Variants in CDK6 observed in about 807,000 individuals in gnomAD.
The protein encoded by CDK6 is cyclin dependent kinase 6.
Under a neutral mutation model 37.1 loss-of-function variants are expected in CDK6, and 6 were observed. The observed-to-expected ratio is 0.16, with a 90% CI of 0.09 to 0.32. The LOEUF is 0.32. CDK6 is among the 10% of genes least tolerant of loss of function. CDK6 has a pLI of 1.00. For synonymous variants in CDK6, 160 were observed against 161.3 expected (o/e 0.99, Z 0.06); for missense variants, 224 against 418.9 (o/e 0.53, Z 4.06).
chr7:92,638,425 T>C (rs1425477812), intron 5 of CDK6, among the ~76,000 whole-genome samples: 2 of 152,158 alleles, frequency 1.3e-5, no homozygotes, highest in African/African-American at 4.8e-5. Flanking sequence ...CTGAACTTTT[T>C]TGGTACCTTT....
In CDK6 at chr7:92,623,358, C is replaced by T. The variant is rs3731351; in HGVS notation, c.648-272G>A. Among the ~76,000 whole-genome samples, 575 of 152,186 alleles carry T rather than the reference C, an allele frequency of 3.8e-3. 2 individuals carry two copies. Among genetic ancestry groups the T allele is most frequent in the Admixed American group, 0.012 (189 of 15,274 alleles). ...GCAGTCATTCTTACAACAGTGCTACCGTCAAATTCAGTTCCAGGTTTCAAA... is the reference window on the plus strand; with the variant it reads ...GCAGTCATTCTTACAACAGTGCTACTGTCAAATTCAGTTCCAGGTTTCAAA... On this transcript the variant is annotated intron_variant, in intron 5 of 7. Transcript: ENST00000424848.
At chr7:92,700,695 G>C (rs1797822635) in intron 4 of CDK6, among the ~76,000 whole-genome samples, 1 of 152,238 alleles carries the variant, frequency 6.6e-6, no homozygotes, top group African/African-American at 2.4e-5. Context: ...ACTGTTGAAG[G>C]AGATAGCATG....
chr7:92,700,367 T>C (rs1797815779), intron 4 of CDK6, among the ~76,000 whole-genome samples: 3 of 152,190 alleles, frequency 2.0e-5, no homozygotes, highest in African/African-American at 2.4e-5. Context: ...AAGGCTGCAA[T>C]GATCCAGATG....
At chr7:92,694,265 G>A (rs1044340195) in intron 4 of CDK6, among the ~76,000 whole-genome samples, 52 of 151,978 alleles carry the variant, frequency 3.4e-4, no homozygotes, top group African/African-American at 1.1e-3. Flanking sequence ...TATATTGTTA[G>A]GCCCTAGTTT....
At chr7:92,671,363 A>G (rs1797068364) in intron 5 of CDK6, 63 bp downstream of exon 5, 1 of 1,078,432 alleles carries the variant, frequency 9.3e-7, no homozygotes, top group Non-Finnish European at 1.3e-6. Context: ...CTGCCACTCA[A>G]ATTCACAAAG....
chr7:92,812,876 A>G (rs2115948106), intron 2 of CDK6, among the ~76,000 whole-genome samples: 1 of 152,346 alleles, frequency 6.6e-6, no homozygotes, highest in South Asian at 2.1e-4. Flanking sequence ...TATAAAGTTG[A>G]TGCCAATTCA....
intron 3 of CDK6, among the ~76,000 whole-genome samples, chr7:92,741,393 T>C (rs967806123): frequency 2.6e-5 from 4 of 152,244 alleles, no homozygotes; most frequent in Admixed American, 6.5e-5. Flanking sequence ...CCATGCAATA[T>C]GTGGGACATA....
At chr7:92,810,325 T>C (rs1328076278) in intron 2 of CDK6, among the ~76,000 whole-genome samples, 1 of 152,206 alleles carries the variant, frequency 6.6e-6, no homozygotes, top group Non-Finnish European at 1.5e-5. Flanking sequence ...TTTGCATGAC[T>C]GAAACACTTG....
intron 2 of CDK6, among the ~76,000 whole-genome samples, chr7:92,796,136 G>C (rs1339161426): frequency 4.7e-5 from 7 of 149,578 alleles, no homozygotes; most frequent in Non-Finnish European, 1.5e-5. Context: ...CACTTAGCAT[G>C]CATGTATCAG....
Position 92,835,594 on chromosome 7 carries a change from C to T in CDK6, c.-368+884G>A, listed in dbSNP as rs959196404. Among the ~76,000 whole-genome samples, 17 of 152,226 alleles carry T rather than the reference C, an allele frequency of 1.1e-4. No individual in the cohort carries two copies. The highest frequency in any genetic ancestry group is 2.4e-4 in the Non-Finnish European group (16 of 68,052). The stretch of plus-strand genomic sequence containing the variant: ...CATTCCTCCGCGACTACAAAGGCTG[C>T]AGCCGCCTCCTTCTGCTTTCTGTCT... On this transcript the variant is annotated intron_variant, in intron 1 of 7. Transcript: ENST00000424848. The surrounding 1 kb of genome is among the most constrained non-coding windows in gnomAD (Gnocchi z 4.2).
rs1392582029 is a variant in CDK6 at position 92,610,504 on chromosome 7, T to C, written c.*4636A>G. 4.3e-6 allele frequency: 1 copy of C among 230,332 alleles called. No individual in the cohort carries two copies. Among genetic ancestry groups the C allele is most frequent in the African/African-American group, 2.2e-5 (1 of 45,242 alleles). The allele number at this position is 230,332 out of a possible 1,614,324, so 14.3% of individuals were successfully genotyped here. ...TCTGTTGCTTACAAAGGTCAGAAGA[T>C]AGAGAGACCAAAGGATTATTTTTGG... On this transcript the variant is annotated 3_prime_UTR_variant, in exon 8 of 8. Transcript: ENST00000424848.
At chr7:92,769,498 AT>A (rs957559091) in intron 3 of CDK6, among the ~76,000 whole-genome samples, 8 of 151,422 alleles carry the variant, frequency 5.3e-5, no homozygotes, top group East Asian at 3.8e-4. Context: ...TGCATCAAAC[AT>A]TTTTTTTTAT....
intron 5 of CDK6, among the ~76,000 whole-genome samples, chr7:92,651,170 G>GT (rs1472205462): frequency 1.3e-5 from 2 of 152,196 alleles, no homozygotes; most frequent in Non-Finnish European, 2.9e-5. Context: ...GATTACAGGC[G>GT]TAAGCCACGG....
At chr7:92,750,858 A>G (rs182271074) in intron 3 of CDK6, among the ~76,000 whole-genome samples, 1 of 152,340 alleles carries the variant, frequency 6.6e-6, no homozygotes, top group East Asian at 1.9e-4. Context: ...AGTTTTTAAA[A>G]AAAGGATTTA....
At chr7:92,782,515 A>G (rs563645395) in intron 2 of CDK6, among the ~76,000 whole-genome samples, 1 of 152,278 alleles carries the variant, frequency 6.6e-6, no homozygotes, top group African/African-American at 2.4e-5. Flanking sequence ...CAGTCTCAGA[A>G]ATTTTGCTAG....
chr7:92,796,692 G>C (rs1800421819), intron 2 of CDK6, among the ~76,000 whole-genome samples: 1 of 151,892 alleles, frequency 6.6e-6, no homozygotes, highest in African/African-American at 2.4e-5. Flanking sequence ...AACCCTCAAA[G>C]TCTATAATTT....
chr7:92,713,049 C>T (rs973378801), intron 4 of CDK6, among the ~76,000 whole-genome samples: 15 of 151,976 alleles, frequency 9.9e-5, no homozygotes, highest in African/African-American at 2.7e-4. Context: ...TCAGTAGAGA[C>T]GGGGTTTCAC....
chr7:92,613,602 A>G lies in CDK6; in HGVS notation c.*1538T>C. ...TCTGTAGAGAGCAGGAGTGAGCACA[A>G]GGCACTAGAAATAAGCACAGCCTGG... On this transcript the variant is annotated 3_prime_UTR_variant, in exon 8 of 8. Transcript: ENST00000424848. The G allele has an allele frequency of 4.3e-6, 1 of 233,420 alleles. No individual in the cohort carries two copies. Among genetic ancestry groups the G allele is most frequent in the Non-Finnish European group, 8.5e-6 (1 of 118,022 alleles). The allele number at this position is 233,420 out of a possible 1,614,324, so 14.5% of individuals were successfully genotyped here.
At chr7:92,791,626 G>GTA (rs1258710529) in intron 2 of CDK6, among the ~76,000 whole-genome samples, 2 of 152,112 alleles carry the variant, frequency 1.3e-5, no homozygotes, top group East Asian at 1.9e-4. Context: ...CTAGAGGAAT[G>GTA]TATATATATT....
Sources: gnomAD v4.1 joint callset for allele counts (sites outside exome capture counted in the v4.1 genomes callset) on GRCh38, gnomAD v4.1.1 for gene constraint, Gnocchi (gnomAD v3.1) non-coding constraint, MANE v1.5 for transcripts, NCBI Gene and HGNC (gene_info 2026-07-23, HGNC 2026-07-21) for gene names.